The following HSPA1L variants were observed in gnomAD, a reference collection of about 807,000 sequenced individuals.
The protein encoded by HSPA1L is heat shock protein family A (Hsp70) member 1 like.
HSPA1L carries 21 observed loss-of-function variants against 31.5 expected under a neutral mutation model. The ratio of observed to expected loss-of-function variants is 0.67; its 90% CI spans 0.47 to 0.96. The LOEUF (loss-of-function observed/expected upper bound fraction) is 0.96. HSPA1L is among the 40% of genes least tolerant of loss of function. The pLI is 0.00. For synonymous variants in HSPA1L, 293 were observed against 323.1 expected (o/e 0.91, Z 1.00); for missense variants, 709 against 813.4 (o/e 0.87, Z 1.56).
In HSPA1L at chr6:31,810,401, A is replaced by G. The variant is rs772216752; in HGVS notation, c.1572T>C (p.Ala524=). The G allele has an allele frequency of 1.6e-5, 26 of 1,612,454 alleles. No homozygotes were observed. The highest frequency in any genetic ancestry group is 1.6e-4 in the Middle Eastern group (1 of 6,072). The stretch of plus-strand genomic sequence containing the variant: ...CCTCATCTTCAGCTTTATATTTCTC[A>G]GCATCCAGAACCATGCGCTCAATCT... ...KEEIERMVLD[A]EKYKAEDEVQ... Residue 524 remains alanine (A), a synonymous_variant, in exon 2 of 2, where the codon GCT becomes GCC. Transcript: ENST00000375654.
At chr6:31,812,699 TG>T (rs1450733257) in intron 1 of HSPA1L, among the ~76,000 whole-genome samples, 3 of 152,214 alleles carry the variant, frequency 2.0e-5, no homozygotes, top group Non-Finnish European at 2.9e-5. Context: ...AGTTTGGTAG[TG>T]AGTTCAATCA....
chr6:31,810,184 T>C lies in HSPA1L; in HGVS notation c.1789A>G (p.Lys597Glu). The change falls in exon 2 of 2, where the codon AAG becomes GAG. Residue 597 changes from lysine (K) to glutamate (E), a missense_variant. Lys to Glu is a moderately conservative substitution (Grantham distance 56). Transcript: ENST00000375654. ...QLAEKDEFDHKRKELEQMCNP... is the reference protein window; with the variant it reads ...QLAEKDEFDHERKELEQMCNP... Reference sequence around the variant, plus strand: ...CACATCTGCTCCAATTCCTTTCTCTTATGATCAAACTCATCTTTCTCTGCC... The same window carrying C: ...CACATCTGCTCCAATTCCTTTCTCTCATGATCAAACTCATCTTTCTCTGCC... The C allele has an allele frequency of 1.3e-6, 2 of 1,529,270 alleles. No homozygotes were observed. The highest frequency in any genetic ancestry group is 1.8e-4 in the Middle Eastern group (1 of 5,666). The allele number at this position is 1,529,270 out of a possible 1,614,324, so 94.7% of individuals were successfully genotyped here. A position where few individuals can be genotyped will look rare whatever the true frequency, so the allele number is the denominator to read the frequency against.
rs35347921 is a variant in HSPA1L, at chr6:31,810,545, G to A, written c.1428C>T (p.Ile476=). ...TGGCATCAATGTCAAACGTCACCTC[G>A]ATCTGAGGAACTCCCCTGGGTGCTG... ...IPPAPRGVPQ[I]EVTFDIDANG... The change falls in exon 2 of 2, where the codon ATC becomes ATT. Residue 476 remains isoleucine (I), a synonymous_variant. Transcript: ENST00000375654. The A allele has an allele frequency of 1.2e-3, 1,953 of 1,613,252 alleles. 12 individuals carry two copies. The African/African-American group carries it at 0.019, about 16-fold the overall frequency.
In HSPA1L at chr6:31,810,123, C is replaced by T; in HGVS notation, c.1850G>A (p.Cys617Tyr). ...PIITKLYQGG[C>Y]TGPACGTGYV... ...CCCTGTTCCGCAGGCAGGCCCAGTG[C>T]ATCCTCCTTGGTAGAGTTTTGTGAT... The change falls in exon 2 of 2, where the codon TGC becomes TAC. Residue 617 changes from cysteine (C) to tyrosine (Y), a missense_variant. Physicochemically the swap from Cys to Tyr is radical, Grantham distance 194. Coordinates refer to ENST00000375654, the MANE Select transcript of HSPA1L (RefSeq NM_005527.4). 1 of 1,497,000 alleles carries T rather than the reference C, an allele frequency of 6.7e-7. No homozygotes were observed. The allele number at this position is 1,497,000 out of a possible 1,614,324, so 92.7% of individuals were successfully genotyped here.
chr6:31,813,280 GT>G (rs1196325543), intron 1 of HSPA1L, among the ~76,000 whole-genome samples: 2 of 152,136 alleles, frequency 1.3e-5, no homozygotes, highest in Non-Finnish European at 2.9e-5. Context: ...CTAAGGCTGA[GT>G]AATATTCATA....
intron 1 of HSPA1L, among the ~76,000 whole-genome samples, chr6:31,813,352 G>A (rs575256845): frequency 2.0e-5 from 3 of 152,254 alleles, no homozygotes; most frequent in African/African-American, 7.2e-5. Flanking sequence ...TACCCAGGCT[G>A]GAGTGCAGTG....
Position 31,810,498 on chromosome 6 carries a change from G to T in HSPA1L, c.1475C>A (p.Ala492Asp), listed in dbSNP as rs1356674722. 3 of 1,613,146 alleles carry T rather than the reference G, an allele frequency of 1.9e-6. No homozygotes were observed. The Admixed American group carries it at 5.0e-5, about 27-fold the overall frequency. Reference sequence around the variant, plus strand: ...CACCTTGCCGGTGCTCTTGTCCGTGGCTGTGACATTGAGAATACCATTGGC... The same window carrying T: ...CACCTTGCCGGTGCTCTTGTCCGTGTCTGTGACATTGAGAATACCATTGGC... ...IDANGILNVT[A>D]TDKSTGKVNK... is the part of the protein sequence containing the mutation. Residue 492 changes from alanine to aspartate, a missense_variant, in exon 2 of 2, where the codon GCC becomes GAC. Transcript: ENST00000375654.
At chr6:31,813,100 G>A (rs1465252088) in intron 1 of HSPA1L, among the ~76,000 whole-genome samples, 1 of 152,176 alleles carries the variant, frequency 6.6e-6, no homozygotes, top group Non-Finnish European at 1.5e-5. Context: ...TAGGATTATA[G>A]GCTTGAGCCA....
At chr6:31,812,791 C>T (rs1815521492) in intron 1 of HSPA1L, among the ~76,000 whole-genome samples, 1 of 152,086 alleles carries the variant, frequency 6.6e-6, no homozygotes, top group Admixed American at 6.6e-5. Context: ...CTCCCGTTTT[C>T]CCCTCCCTTT....
At position 31,811,724 on chromosome 6, in the gene HSPA1L, A is replaced by G. The variant is rs1188556102; in HGVS notation, c.249T>C (p.Pro83=). 1 of 1,614,038 alleles carries G rather than the reference A, an allele frequency of 6.2e-7. No homozygotes were observed. Among genetic ancestry groups the G allele is most frequent in the Non-Finnish European group, 8.5e-7 (1 of 1,180,024 alleles). Residue 83 remains proline (P), a synonymous_variant, in exon 2 of 2, where the codon CCT becomes CCC. Coordinates refer to ENST00000375654, the MANE Select transcript of HSPA1L (RefSeq NM_005527.4). ...AAAGTTTCATATCTGCTTGTACAAC[A>G]GGATCATTAAATTTCCTGCCGATCA... ...KRLIGRKFND[P]VVQADMKLWP... is the part of the protein sequence containing the mutation.
At chr6:31,813,756 G>A (rs1299529801) in intron 1 of HSPA1L, among the ~76,000 whole-genome samples, 1 of 152,210 alleles carries the variant, frequency 6.6e-6, no homozygotes, top group Non-Finnish European at 1.5e-5. Flanking sequence ...AGTATTCTCA[G>A]CTACTCAAAG....
At position 31,810,154 on chromosome 6, in the gene HSPA1L, G is replaced by C; in HGVS notation, c.1819C>G (p.Pro607Ala). 1.3e-6 allele frequency: 2 copies of C among 1,524,566 alleles called. No individual in the cohort carries two copies. Among genetic ancestry groups the C allele is most frequent in the East Asian group, 4.6e-5 (2 of 43,806 alleles). The allele number at this position is 1,524,566 out of a possible 1,614,324, so 94.4% of individuals were successfully genotyped here. The change falls in exon 2 of 2, where the codon CCT becomes GCT. Residue 607 changes from proline (P) to alanine (A), a missense_variant. Coordinates refer to ENST00000375654, the MANE Select transcript of HSPA1L (RefSeq NM_005527.4). ...CCTTGGTAGAGTTTTGTGATGATAG[G>C]GTTACACATCTGCTCCAATTCCTTT... is the stretch of plus-strand genomic sequence containing the variant. ...KRKELEQMCN[P>A]IITKLYQGGC...
At position 31,810,260 on chromosome 6, in the gene HSPA1L, T is replaced by C; in HGVS notation, c.1713A>G (p.Lys571=). 6.5e-7 allele frequency: 1 copy of C among 1,527,342 alleles called. No individual in the cohort carries two copies. The highest frequency in any genetic ancestry group is 8.8e-7 in the Non-Finnish European group (1 of 1,140,210). 94.6% of individuals were successfully genotyped at this position (1,527,342 alleles called of 1,614,324 possible). ...KGKISESDKN[K]ILDKCNELLS... is the part of the protein sequence containing the mutation. ...GGAGCTCGTTGCATTTATCCAATAT[T>C]TTATTTTTATCAGACTCACTAATCT... Residue 571 remains lysine (K), a synonymous_variant, in exon 2 of 2, where the codon AAA becomes AAG. Coordinates refer to ENST00000375654, the MANE Select transcript of HSPA1L (RefSeq NM_005527.4).
At chr6:31,812,243 T>C (rs1052163615) in intron 1 of HSPA1L, among the ~76,000 whole-genome samples, 4 of 151,790 alleles carry the variant, frequency 2.6e-5, no homozygotes, top group East Asian at 1.9e-4. Context: ...CTAGGCTCAC[T>C]GCAACCTCCA....
chr6:31,814,804 A>G, intron 1 of HSPA1L, 85 bp downstream of exon 1: 1 of 740,222 alleles, frequency 1.4e-6, no homozygotes, highest in Non-Finnish European at 1.6e-6. Context: ...GGCTTAAACC[A>G]ACTAGGGAAC....
chr6:31,811,774 T>A lies in HSPA1L; in HGVS notation c.199A>T (p.Asn67Tyr). The A allele has an allele frequency of 6.2e-7, 1 of 1,614,200 alleles. No homozygotes were observed. Among genetic ancestry groups the A allele is most frequent in the African/African-American group, 1.3e-5 (1 of 75,044 alleles). The change falls in exon 2 of 2, where the codon AAC becomes TAC. Residue 67 changes from asparagine to tyrosine, a missense_variant. Asn to Tyr is a moderately radical substitution (Grantham distance 143). Coordinates refer to ENST00000375654, the MANE Select transcript of HSPA1L (RefSeq NM_005527.4). Reference protein sequence around the residue: ...AKNQVAMNPQNTVFDAKRLIG... With the variant: ...AKNQVAMNPQYTVFDAKRLIG... ...AGACGTTTAGCATCAAAAACAGTGTTCTGGGGATTCATTGCTACCTGGTTC... is the reference window on the plus strand; with the variant it reads ...AGACGTTTAGCATCAAAAACAGTGTACTGGGGATTCATTGCTACCTGGTTC...
chr6:31,811,850 G>A lies in HSPA1L; in HGVS notation c.123C>T (p.Pro41=), dbSNP rs1815444068. 6.2e-7 allele frequency: 1 copy of A among 1,614,066 alleles called. No homozygotes were observed. Among genetic ancestry groups the A allele is most frequent in the African/African-American group, 1.3e-5 (1 of 74,922 alleles). ...CGGTGTCTGTGAAGGCCACGTAGCT[G>A]GGGGTGGTGCGGTTGCCCTGGTCGT... ...IANDQGNRTT[P]SYVAFTDTER... Residue 41 remains proline (P), a synonymous_variant, in exon 2 of 2, where the codon CCC becomes CCT. Coordinates refer to ENST00000375654, the MANE Select transcript of HSPA1L (RefSeq NM_005527.4).
In HSPA1L at chr6:31,811,190, G is replaced by A. The variant is rs753521005; in HGVS notation, c.783C>T (p.Ala261=). The A allele has an allele frequency of 9.9e-6, 16 of 1,614,206 alleles. No individual in the cohort carries two copies. Among genetic ancestry groups the A allele is most frequent in the African/African-American group, 6.7e-5 (5 of 75,052 alleles). ...HKKDISQNKR[A]VRRLRTACER... ...CGCAGGCGGTGCGCAGCCGCCTCAC[G>A]GCTCGCTTGTTCTGGCTGATGTCCT... The change falls in exon 2 of 2, where the codon GCC becomes GCT. Residue 261 remains alanine (A), a synonymous_variant. Transcript: ENST00000375654.
At chr6:31,812,119 C>T in intron 1 of HSPA1L, 134 bp from the exon 2 acceptor site, 1 of 1,130,556 alleles carries the variant, frequency 8.8e-7, no homozygotes, top group Non-Finnish European at 1.2e-6. Context: ...GCTTTGATCT[C>T]CTAGGCTCCA....
Sources: gnomAD v4.1 joint callset for allele counts (sites outside exome capture counted in the v4.1 genomes callset) on GRCh38, gnomAD v4.1.1 for gene constraint, MANE v1.5 for transcripts, NCBI Gene and HGNC (gene_info 2026-07-23, HGNC 2026-07-21) for gene names.